DOCK10: variants seen among roughly 807,000 people sequenced by gnomAD.
DOCK10 encodes the protein dedicator of cytokinesis 10, also known as dedicator of cytokinesis protein 10.
A neutral mutation model predicts 280.1 loss-of-function variants in DOCK10; 145 were observed. That is an observed-to-expected ratio of 0.52 (90% CI 0.45 to 0.59). DOCK10 has a LOEUF of 0.59. Ranked by LOEUF, DOCK10 falls within the 20% of genes least tolerant of loss-of-function variation. DOCK10 has a pLI of 0.00. For missense variants in DOCK10, 2,368 were observed against 2,651.7 expected, an observed-to-expected ratio of 0.89 and a Z score of 2.35; for synonymous variants, 915 against 942.2, an observed-to-expected ratio of 0.97 and a Z score of 0.53.
intron 1 of DOCK10, chr2:224,983,905 C>T (rs1432552718): frequency 2.1e-6 from 1 of 470,156 alleles, no homozygotes; most frequent in African/African-American, 2.0e-5. Context: ...TAATCTAAAC[C>T]ATTTTTACTC....
intron 28 of DOCK10, among the ~76,000 whole-genome samples, chr2:224,821,825 T>C (rs1694524890): frequency 6.6e-6 from 1 of 152,192 alleles, no homozygotes; most frequent in Non-Finnish European, 1.5e-5. Context: ...TAAAATGTGG[T>C]AGAAAACTAC....
intron 43 of DOCK10, among the ~76,000 whole-genome samples, chr2:224,796,703 C>A (rs921201176): frequency 6.6e-6 from 1 of 152,116 alleles, no homozygotes; most frequent in African/African-American, 2.4e-5. Context: ...TTGGAGCTAG[C>A]CATGGTTTCC....
intron 1 of DOCK10, among the ~76,000 whole-genome samples, chr2:224,941,598 C>T (rs1362632670): frequency 3.3e-5 from 5 of 152,064 alleles, no homozygotes; most frequent in Admixed American, 6.5e-5. Context: ...AATCCCAGAA[C>T]GTTGGAAGGC....
At chr2:224,939,344 T>C (rs531817492) in intron 1 of DOCK10, among the ~76,000 whole-genome samples, 1 of 152,332 alleles carries the variant, frequency 6.6e-6, no homozygotes, top group African/African-American at 2.4e-5. Flanking sequence ...ACTTTCAAAC[T>C]AAATTTGGAT....
chr2:224,997,576 G>A lies in DOCK10; in HGVS notation c.123+44676C>T, dbSNP rs190603195. Among the ~76,000 whole-genome samples the A allele has an allele frequency of 3.3e-4, 50 of 152,180 alleles. No individual in the cohort carries two copies. In the East Asian group the frequency reaches 6.8e-3, roughly 21 times the overall value. ...CAGCACCATTTTCCCTGAGACACTGGGGTGATCTTTGCTGCCCTCCTCTTC... is the reference window on the plus strand; with the variant it reads ...CAGCACCATTTTCCCTGAGACACTGAGGTGATCTTTGCTGCCCTCCTCTTC... On this transcript the variant is annotated intron_variant, in intron 1 of 55. Coordinates refer to ENST00000258390, the MANE Select transcript of DOCK10 (RefSeq NM_014689.3).
At chr2:224,891,042 A>C (rs922830407) in intron 4 of DOCK10, among the ~76,000 whole-genome samples, 2 of 152,192 alleles carry the variant, frequency 1.3e-5, no homozygotes, top group African/African-American at 4.8e-5. Flanking sequence ...CCAAAAAATA[A>C]ACCAAATTGA....
intron 28 of DOCK10, among the ~76,000 whole-genome samples, chr2:224,822,996 C>CA (rs1553578267): frequency 7.1e-6 from 1 of 141,042 alleles, no homozygotes; most frequent in Non-Finnish European, 1.6e-5. Context: ...TTCTTCCTGT[C>CA]TTTTTTTTTT....
intron 50 of DOCK10, among the ~76,000 whole-genome samples, chr2:224,782,622 G>A (rs1021880107): frequency 1.3e-5 from 2 of 152,134 alleles, no homozygotes; most frequent in African/African-American, 4.8e-5. Flanking sequence ...TTTTTTTAAA[G>A]TTCCTGCTAT....
intron 50 of DOCK10, among the ~76,000 whole-genome samples, chr2:224,783,273 A>ATTT (rs10713926): frequency 7.6e-5 from 11 of 143,992 alleles, no homozygotes; most frequent in Admixed American, 7.0e-5. Context: ...TCAGACTGGA[A>ATTT]TTTTTTTTTT....
At chr2:224,772,004 T>A (rs1333377648) in intron 53 of DOCK10, among the ~76,000 whole-genome samples, 1 of 151,556 alleles carries the variant, frequency 6.6e-6, no homozygotes, top group Non-Finnish European at 1.5e-5. Context: ...CACTGCAACC[T>A]CCACCTCCCA....
At position 224,886,893 on chromosome 2, in the gene DOCK10, C is replaced by CCCCCA. The variant is rs550630549; in HGVS notation, c.417-363_417-362insTGGGG. ...CTGCATGCAGCACCCCCAACACCCCCCCAAGTAGTACCTGGGATTACAGGC... is the reference window on the plus strand; with the variant it reads ...CTGCATGCAGCACCCCCAACACCCCCCCCCACCAAGTAGTACCTGGGATTACAGGC... On this transcript the variant is annotated intron_variant, in intron 4 of 55. Coordinates refer to ENST00000258390, the MANE Select transcript of DOCK10 (RefSeq NM_014689.3). Among the ~76,000 whole-genome samples the CCCCCA allele has an allele frequency of 1.5e-3, 224 of 149,494 alleles. 4 individuals carry two copies. The highest frequency in any genetic ancestry group is 2.4e-3 in the Non-Finnish European group (161 of 67,332).
chr2:224,920,262 C>T (rs1228851875), intron 2 of DOCK10, among the ~76,000 whole-genome samples: 2 of 142,108 alleles, frequency 1.4e-5, no homozygotes, highest in African/African-American at 5.3e-5. Context: ...TTTGTAGAGA[C>T]AGGGTCTCAC....
At chr2:225,030,682 T>C (rs1690051482) in intron 1 of DOCK10, among the ~76,000 whole-genome samples, 1 of 152,168 alleles carries the variant, frequency 6.6e-6, no homozygotes, top group Non-Finnish European at 1.5e-5. Context: ...GATTTTGTTT[T>C]GTTTCTTTTT....
intron 1 of DOCK10, chr2:224,982,398 T>C: frequency 1.4e-5 from 17 of 1,231,570 alleles, no homozygotes; most frequent in Non-Finnish European, 1.7e-5. Context: ...CAAAATAACT[T>C]CTATGTTGAT....
chr2:224,863,078 A>T (rs1289515971), intron 13 of DOCK10, among the ~76,000 whole-genome samples: 1 of 152,220 alleles, frequency 6.6e-6, no homozygotes, highest in Non-Finnish European at 1.5e-5. Flanking sequence ...AGTCCATTCT[A>T]TATCCCCTTT....
intron 2 of DOCK10, among the ~76,000 whole-genome samples, chr2:224,929,771 C>T (rs1447436046): frequency 1.3e-5 from 2 of 152,150 alleles, no homozygotes; most frequent in African/African-American, 4.8e-5. Context: ...CAAAACTTTA[C>T]AGCCCATCTA....
At chr2:224,940,918 C>T (rs1426878167) in intron 1 of DOCK10, among the ~76,000 whole-genome samples, 1 of 152,044 alleles carries the variant, frequency 6.6e-6, no homozygotes, top group African/African-American at 2.4e-5. Flanking sequence ...TTTCTTCCTC[C>T]CCCCATTTTC....
intron 1 of DOCK10, among the ~76,000 whole-genome samples, chr2:224,934,122 G>A (rs532517864): frequency 2.6e-5 from 4 of 152,192 alleles, no homozygotes; most frequent in South Asian, 4.2e-4. Context: ...ATCGTATAGT[G>A]GTTAGTACTC....
chr2:224,909,612 T>C (rs966485434), intron 3 of DOCK10, among the ~76,000 whole-genome samples: 1 of 152,182 alleles, frequency 6.6e-6, no homozygotes, highest in East Asian at 1.9e-4. Flanking sequence ...TGGAATATTA[T>C]GTCAAAGATA....
Sources: gnomAD v4.1 joint callset for allele counts (sites outside exome capture counted in the v4.1 genomes callset) on GRCh38, gnomAD v4.1.1 for gene constraint, MANE v1.5 for transcripts, NCBI Gene and HGNC (gene_info 2026-07-23, HGNC 2026-07-21) for gene names.